The following CPQ variants were observed in gnomAD, a reference collection of about 807,000 sequenced individuals.
The protein encoded by CPQ is carboxypeptidase Q, also known as Ser-Met dipeptidase.
Under a neutral mutation model 45.7 loss-of-function variants are expected in CPQ, and 37 were observed. The ratio of observed to expected loss-of-function variants is 0.81; its 90% CI spans 0.62 to 1.07. CPQ has a LOEUF of 1.07. Ranked by LOEUF, CPQ falls within the 50% of genes least tolerant of loss-of-function variation. The pLI is 0.00. For missense variants in CPQ, 537 were observed against 572.9 expected, an observed-to-expected ratio of 0.94 and a Z score of 0.64; for synonymous variants, 186 against 205.8, an observed-to-expected ratio of 0.90 and a Z score of 0.82.
chr8:96,904,884 C>T (rs1055259122), intron 4 of CPQ, among the ~76,000 whole-genome samples: 2 of 152,122 alleles, frequency 1.3e-5, no homozygotes, highest in African/African-American at 4.8e-5. Context: ...TTGTGTAATA[C>T]AGCAGCCCTG....
intron 2 of CPQ, among the ~76,000 whole-genome samples, chr8:96,804,614 T>C (rs1811054526): frequency 6.6e-6 from 1 of 152,084 alleles, no homozygotes; most frequent in Non-Finnish European, 1.5e-5. Context: ...CAACAGTTCA[T>C]ACTCTTTTGG....
At chr8:97,019,606 C>A (rs1398059554) in intron 5 of CPQ, among the ~76,000 whole-genome samples, 1 of 152,078 alleles carries the variant, frequency 6.6e-6, no homozygotes, top group Non-Finnish European at 1.5e-5. Context: ...AACTTTAAGG[C>A]TCTAGCAGTT....
At chr8:96,763,712 A>C (rs1419506336) in intron 1 of CPQ, among the ~76,000 whole-genome samples, 1 of 152,148 alleles carries the variant, frequency 6.6e-6, no homozygotes, top group African/African-American at 2.4e-5. Flanking sequence ...GTAACCTAAT[A>C]AAAAAGGACA....
intron 1 of CPQ, among the ~76,000 whole-genome samples, chr8:96,664,674 G>T (rs748996404): frequency 6.6e-6 from 1 of 152,156 alleles, no homozygotes; most frequent in Non-Finnish European, 1.5e-5. Context: ...GAGGTGAGGA[G>T]TAAGGGTAAA....
chr8:97,041,482 C>T (rs1810124503), intron 6 of CPQ, among the ~76,000 whole-genome samples: 1 of 152,138 alleles, frequency 6.6e-6, no homozygotes, highest in Non-Finnish European at 1.5e-5. Context: ...TTATTTTCTT[C>T]CCCTGTCTAA....
At chr8:96,922,739 G>T (rs1245951209) in intron 4 of CPQ, among the ~76,000 whole-genome samples, 1 of 152,164 alleles carries the variant, frequency 6.6e-6, no homozygotes, top group Admixed American at 6.6e-5. Context: ...CTACATATCT[G>T]TAGCAATTTT....
At chr8:96,892,372 G>T (rs776963043) in intron 4 of CPQ, among the ~76,000 whole-genome samples, 12 of 152,068 alleles carry the variant, frequency 7.9e-5, no homozygotes, top group Non-Finnish European at 1.3e-4. Context: ...CTTCTTAGTG[G>T]GAACAGCAGG....
At chr8:96,885,013 G>A (rs1485880997) in intron 4 of CPQ, among the ~76,000 whole-genome samples, 4 of 152,170 alleles carry the variant, frequency 2.6e-5, no homozygotes, top group African/African-American at 9.7e-5. Flanking sequence ...TAGGCAGAGG[G>A]GAGGAAAGTG....
intron 1 of CPQ, among the ~76,000 whole-genome samples, chr8:96,764,736 T>C (rs1206483941): frequency 6.6e-6 from 1 of 152,220 alleles, no homozygotes; most frequent in Non-Finnish European, 1.5e-5. Context: ...TTTTCTTGTA[T>C]ACTTTAGGAA....
intron 1 of CPQ, among the ~76,000 whole-genome samples, chr8:96,746,276 T>G (rs915977270): frequency 6.6e-6 from 1 of 152,240 alleles, no homozygotes; most frequent in African/African-American, 2.4e-5. Context: ...AATAGCATGT[T>G]AATATATTAA....
intron 4 of CPQ, 30 bp from the exon 5 acceptor site, chr8:96,965,905 T>C: frequency 6.9e-7 from 1 of 1,445,314 alleles, no homozygotes; most frequent in Non-Finnish European, 9.4e-7. Flanking sequence ...TGCTTAGTTT[T>C]ATTTTTTAAC....
intron 2 of CPQ, among the ~76,000 whole-genome samples, chr8:96,825,609 C>T (rs939740576): frequency 3.9e-5 from 6 of 151,992 alleles, no homozygotes; most frequent in African/African-American, 1.4e-4. Flanking sequence ...AAAATGAAAT[C>T]CAGAAAATTT....
In CPQ at chr8:96,684,276, A is replaced by C. The variant is rs372670329; in HGVS notation, c.-35+38874A>C. ...TGATTCTGGTTGGGCACGGTAGTAT[A>C]GTCTGCATGATTTCTTTGGCTGTAA... is the stretch of plus-strand genomic sequence containing the variant. On this transcript the variant is annotated intron_variant, in intron 1 of 7. Coordinates refer to ENST00000220763, the MANE Select transcript of CPQ (RefSeq NM_016134.4). Among the ~76,000 whole-genome samples the C allele has an allele frequency of 1.2e-4, 19 of 152,318 alleles. 2 individuals carry two copies. The highest frequency in any genetic ancestry group is 4.6e-4 in the African/African-American group (19 of 41,568).
intron 5 of CPQ, among the ~76,000 whole-genome samples, chr8:97,015,613 A>C (rs1371063267): frequency 6.6e-6 from 1 of 152,150 alleles, no homozygotes; most frequent in African/African-American, 2.4e-5. Context: ...TACATTAAGC[A>C]AAAGTAACTT....
chr8:97,069,227 C>T (rs1236536042), intron 7 of CPQ, among the ~76,000 whole-genome samples: 1 of 152,256 alleles, frequency 6.6e-6, no homozygotes, highest in Non-Finnish European at 1.5e-5. Context: ...AACCAAATTA[C>T]TGCTGTCTTC....
At chr8:96,704,092 G>A (rs541185761) in intron 1 of CPQ, among the ~76,000 whole-genome samples, 1 of 152,268 alleles carries the variant, frequency 6.6e-6, no homozygotes, top group East Asian at 1.9e-4. Context: ...GGATATAGCA[G>A]TAAGACAAAG....
At chr8:96,922,125 G>A (rs1812817382) in intron 4 of CPQ, among the ~76,000 whole-genome samples, 1 of 152,122 alleles carries the variant, frequency 6.6e-6, no homozygotes, top group Admixed American at 6.6e-5. Context: ...AGAGACCTGT[G>A]TTGTTCTTGT....
At chr8:96,917,681 G>A (rs1035609548) in intron 4 of CPQ, among the ~76,000 whole-genome samples, 1 of 152,100 alleles carries the variant, frequency 6.6e-6, no homozygotes, top group Admixed American at 6.6e-5. Context: ...AGATGTATGT[G>A]TGTATACTAA....
At chr8:96,796,103 G>C (rs1830446920) in intron 2 of CPQ, among the ~76,000 whole-genome samples, 1 of 151,958 alleles carries the variant, frequency 6.6e-6, no homozygotes, top group Non-Finnish European at 1.5e-5. Flanking sequence ...TTGTTTTCCA[G>C]ATTGTACACA....
Sources: gnomAD v4.1 joint callset for allele counts (sites outside exome capture counted in the v4.1 genomes callset) on GRCh38, gnomAD v4.1.1 for gene constraint, MANE v1.5 for transcripts, NCBI Gene and HGNC (gene_info 2026-07-23, HGNC 2026-07-21) for gene names.